NCAM2: variants seen among roughly 807,000 people sequenced by gnomAD.
NCAM2 encodes the protein N-CAM-2.
NCAM2 carries 30 observed loss-of-function variants against 98.1 expected under a neutral mutation model. The observed-to-expected ratio is 0.31, with a 90% CI of 0.23 to 0.41. NCAM2 has a LOEUF of 0.41. Among genes scored for constraint, NCAM2 ranks in the 10% least tolerant of loss-of-function variants. The pLI is 1.00. For missense variants in NCAM2, 867 were observed against 1,005.8 expected, an observed-to-expected ratio of 0.86 and a Z score of 1.87; for synonymous variants, 368 against 342.4, an observed-to-expected ratio of 1.07 and a Z score of -0.83.
At chr21:21,490,097 T>A (rs1460195211) in intron 15 of NCAM2, among the ~76,000 whole-genome samples, 2 of 152,078 alleles carry the variant, frequency 1.3e-5, no homozygotes, top group Non-Finnish European at 2.9e-5. Flanking sequence ...TCAACAAAGA[T>A]CTCTTGTAAT....
chr21:21,086,476 C>T (rs897818644), intron 1 of NCAM2, among the ~76,000 whole-genome samples: 2 of 152,102 alleles, frequency 1.3e-5, no homozygotes, highest in African/African-American at 4.8e-5. Context: ...CAGAAGACAT[C>T]TGTTCAAAAT....
intron 5 of NCAM2, among the ~76,000 whole-genome samples, chr21:21,313,898 G>A (rs1209667780): frequency 6.6e-6 from 1 of 151,952 alleles, no homozygotes; most frequent in East Asian, 1.9e-4. Context: ...CCCTATTTAA[G>A]TTAGAATCAA....
At chr21:21,083,963 A>G (rs956797093) in intron 1 of NCAM2, among the ~76,000 whole-genome samples, 9 of 152,146 alleles carry the variant, frequency 5.9e-5, no homozygotes, top group African/African-American at 1.7e-4. Flanking sequence ...GTCTTAGGCC[A>G]TTAGGCCTGC....
chr21:21,322,802 C>T (rs77850468), intron 5 of NCAM2, among the ~76,000 whole-genome samples: 2,625 of 152,154 alleles, frequency 0.017, 75 homozygotes, highest in African/African-American at 0.06. Context: ...TTGCTGCATG[C>T]CATTATTCAT....
intron 1 of NCAM2, among the ~76,000 whole-genome samples, chr21:21,080,072 A>G (rs1278143129): frequency 1.3e-5 from 2 of 150,186 alleles, no homozygotes; most frequent in African/African-American, 2.5e-5. Context: ...GTTCTTATAC[A>G]TGCAAATGAG....
chr21:21,198,179 AGTATATGTGT>A (rs2069079128), intron 1 of NCAM2, among the ~76,000 whole-genome samples: 1 of 127,356 alleles, frequency 7.9e-6, no homozygotes, highest in Non-Finnish European at 1.6e-5. Context: ...AAATATGTAA[AGTATATGTGT>A]GTGTGTGTGT....
At chr21:21,104,218 TCTC>T (rs1387767557) in intron 1 of NCAM2, among the ~76,000 whole-genome samples, 1 of 152,122 alleles carries the variant, frequency 6.6e-6, no homozygotes, top group Non-Finnish European at 1.5e-5. Context: ...TGTCCTCCCT[TCTC>T]CTCCTCCTCA....
intron 1 of NCAM2, among the ~76,000 whole-genome samples, chr21:21,143,741 A>T (rs1288437975): frequency 7.1e-6 from 1 of 140,742 alleles, no homozygotes; most frequent in Admixed American, 7.1e-5. Context: ...AAAACGCATT[A>T]TTTAAAATAT....
intron 8 of NCAM2, among the ~76,000 whole-genome samples, chr21:21,372,012 T>C (rs2075928205): frequency 6.6e-6 from 1 of 151,740 alleles, no homozygotes; most frequent in Non-Finnish European, 1.5e-5. Flanking sequence ...ATAGAAAGTT[T>C]TGGAATACTG....
chr21:21,338,632 C>CT (rs2074943884), intron 8 of NCAM2, 98 bp downstream of exon 8: 7 of 1,192,070 alleles, frequency 5.9e-6, no homozygotes, highest in Non-Finnish European at 8.0e-6. Context: ...TACCTAGTAA[C>CT]TTGTAGGATC....
At chr21:21,203,991 T>A (rs1296278933) in intron 1 of NCAM2, among the ~76,000 whole-genome samples, 1 of 152,158 alleles carries the variant, frequency 6.6e-6, no homozygotes, top group Non-Finnish European at 1.5e-5. Flanking sequence ...CAAATCACTT[T>A]GATAATGTGG....
chr21:21,048,413 C>T (rs1404979340), intron 1 of NCAM2, among the ~76,000 whole-genome samples: 1 of 151,844 alleles, frequency 6.6e-6, no homozygotes, highest in African/African-American at 2.4e-5. Flanking sequence ...AGTACAGTGG[C>T]GCAATCTCTG....
chr21:21,071,313 T>C (rs6518065), intron 1 of NCAM2, among the ~76,000 whole-genome samples: 47,981 of 151,994 alleles, frequency 0.32, 8,215 homozygotes, highest in African/African-American at 0.44. Flanking sequence ...AACTTAGAGT[T>C]GGTGAAGCAA....
chr21:21,032,060 A>G (rs2064696442), intron 1 of NCAM2, among the ~76,000 whole-genome samples: 1 of 152,192 alleles, frequency 6.6e-6, no homozygotes, highest in Non-Finnish European at 1.5e-5. Context: ...TTTATCAGGC[A>G]CCACTATTAT....
intron 16 of NCAM2, 53 bp downstream of exon 16, chr21:21,509,108 C>T: frequency 1.9e-6 from 3 of 1,584,826 alleles, no homozygotes; most frequent in South Asian, 1.1e-5. Context: ...CACAGTCAAG[C>T]TCGAGTGCTT....
chr21:21,202,241 A>G (rs1476496479), intron 1 of NCAM2, among the ~76,000 whole-genome samples: 1 of 152,090 alleles, frequency 6.6e-6, no homozygotes, highest in East Asian at 1.9e-4. Flanking sequence ...AAATCTGGTG[A>G]TAATAATTGT....
At chr21:21,316,803 C>T (rs1436749800) in intron 5 of NCAM2, among the ~76,000 whole-genome samples, 1 of 152,096 alleles carries the variant, frequency 6.6e-6, no homozygotes, top group Non-Finnish European at 1.5e-5. Context: ...CTCAGCCTCC[C>T]AAAGTGCTGG....
intron 5 of NCAM2, among the ~76,000 whole-genome samples, chr21:21,322,702 A>G (rs752981191): frequency 6.6e-6 from 1 of 152,172 alleles, no homozygotes; most frequent in Non-Finnish European, 1.5e-5. Flanking sequence ...TGTGACATGA[A>G]TAGGCATTTC....
intron 15 of NCAM2, among the ~76,000 whole-genome samples, chr21:21,500,822 A>G (rs1011055643): frequency 6.6e-6 from 1 of 152,024 alleles, no homozygotes; most frequent in African/African-American, 2.4e-5. Context: ...TGTTAATATA[A>G]GACATCTCTC....
Sources: allele counts gnomAD v4.1 joint callset (sites outside exome capture counted in the v4.1 genomes callset), GRCh38; gene constraint gnomAD v4.1.1; transcripts MANE v1.5; gene names NCBI Gene and HGNC (gene_info 2026-07-23, HGNC 2026-07-21).